The following ATP9B variants were observed in gnomAD, a reference collection of about 807,000 sequenced individuals.
ATP9B encodes ATPase phospholipid transporting 9B, also known as probable phospholipid-transporting ATPase IIB.
A neutral mutation model predicts 146.1 loss-of-function variants in ATP9B; 110 were observed. The ratio of observed to expected loss-of-function variants is 0.75; its 90% CI spans 0.65 to 0.88. The LOEUF is 0.88. Ranked by LOEUF, ATP9B falls within the 40% of genes least tolerant of loss-of-function variation. The pLI is 0.00. For synonymous variants in ATP9B, 604 were observed against 569.7 expected (o/e 1.06, Z -0.86); for missense variants, 1,499 against 1,496.4 (o/e 1.00, Z -0.03).
intron 26 of ATP9B, chr18:79,372,526 G>A (rs1466638048): frequency 1.3e-5 from 7 of 550,038 alleles, no homozygotes; most frequent in Non-Finnish European, 2.4e-5. Flanking sequence ...TCACTGAAAT[G>A]TTTGCTTGTA....
chr18:79,300,682 C>T (rs1045811492), intron 13 of ATP9B, among the ~76,000 whole-genome samples: 2 of 152,212 alleles, frequency 1.3e-5, no homozygotes, highest in Non-Finnish European at 2.9e-5. Flanking sequence ...GTCACAGCCG[C>T]CCAGCAAACA....
chr18:79,374,913 T>C (rs2097094520), intron 28 of ATP9B, among the ~76,000 whole-genome samples: 1 of 152,204 alleles, frequency 6.6e-6, no homozygotes, highest in Non-Finnish European at 1.5e-5. Context: ...GACAAAGACA[T>C]GCATCACGGG....
At chr18:79,357,948 T>G (rs369840831) in intron 25 of ATP9B, among the ~76,000 whole-genome samples, 1,496 of 57,018 alleles carry the variant, frequency 0.026, no homozygotes, top group East Asian at 0.072. Flanking sequence ...GGACCCTGTG[T>G]GAGGGATGCT....
chr18:79,340,611 G>A (rs899742835), intron 19 of ATP9B: 2 of 152,144 alleles, frequency 1.3e-5, no homozygotes, highest in African/African-American at 4.8e-5. Context: ...TAAGAAATCT[G>A]AGAAATTCAG....
At chr18:79,335,823 A>G (rs1456274312) in intron 17 of ATP9B, among the ~76,000 whole-genome samples, 1 of 152,240 alleles carries the variant, frequency 6.6e-6, no homozygotes, top group East Asian at 1.9e-4. Flanking sequence ...TTATGAGCCC[A>G]TTTCTATGAA....
At chr18:79,163,694 CAAAT>C (rs1352760383) in intron 7 of ATP9B, among the ~76,000 whole-genome samples, 3 of 151,892 alleles carry the variant, frequency 2.0e-5, no homozygotes, top group South Asian at 2.1e-4. Context: ...ATTCTTTTGA[CAAAT>C]AACCCCTAAC....
chr18:79,111,054 GTAT>G (rs987823026), intron 3 of ATP9B, among the ~76,000 whole-genome samples: 31 of 152,030 alleles, frequency 2.0e-4, no homozygotes, highest in African/African-American at 6.8e-4. Context: ...CTTTAATTGG[GTAT>G]TATTGCTAAA....
At chr18:79,161,995 GTAAT>G (rs1465701205) in intron 7 of ATP9B, among the ~76,000 whole-genome samples, 6 of 152,136 alleles carry the variant, frequency 3.9e-5, no homozygotes, top group Non-Finnish European at 5.9e-5. Flanking sequence ...TGATTTTTAA[GTAAT>G]TAAAGTTATC....
rs188287037 is a variant in ATP9B, at chr18:79,088,680, T to G, written c.120-7796T>G. Reference sequence around the variant, plus strand: ...AACACATTTACTTTCAACAAAGGTCTTCTTTGTGATTATTTTTAGTGACAA... The same window carrying G: ...AACACATTTACTTTCAACAAAGGTCGTCTTTGTGATTATTTTTAGTGACAA... On this transcript the variant is annotated intron_variant, in intron 1 of 29. Coordinates refer to ENST00000426216, the MANE Select transcript of ATP9B (RefSeq NM_198531.5). Among the ~76,000 whole-genome samples the G allele has an allele frequency of 3.3e-3, 496 of 152,360 alleles. 3 individuals are homozygous for G. Among genetic ancestry groups the G allele is most frequent in the Non-Finnish European group, 4.6e-3 (313 of 68,028 alleles).
At chr18:79,278,930 C>T (rs2096345050) in intron 13 of ATP9B, among the ~76,000 whole-genome samples, 1 of 152,110 alleles carries the variant, frequency 6.6e-6, no homozygotes, top group African/African-American at 2.4e-5. Context: ...TTCTGGAAAA[C>T]AGTTGGAATC....
chr18:79,307,065 A>G lies in ATP9B; in HGVS notation c.1604A>G (p.Lys535Arg). ...KAQSSAPKVR[K>R]SVSSRIHEAV... ...CAATCTTCAGCTCCCAAAGTTAGGA[A>G]AAGTGTCAGTAGTCGAATCCATGAA... Residue 535 changes from lysine (K) to arginine (R), a missense_variant, in exon 15 of 30, where the codon AAA becomes AGA. Coordinates refer to ENST00000426216, the MANE Select transcript of ATP9B (RefSeq NM_198531.5). The G allele has an allele frequency of 1.2e-6, 2 of 1,614,260 alleles. No individual in the cohort carries two copies. Among genetic ancestry groups the G allele is most frequent in the Non-Finnish European group, 8.5e-7 (1 of 1,180,046 alleles).
chr18:79,162,099 TCA>T (rs1202684535), intron 7 of ATP9B, among the ~76,000 whole-genome samples: 2 of 152,370 alleles, frequency 1.3e-5, no homozygotes, highest in African/African-American at 4.8e-5. Context: ...CTTTTTAGTT[TCA>T]GTTTGAAAAA....
At chr18:79,124,500 A>G (rs2094247760) in intron 4 of ATP9B, among the ~76,000 whole-genome samples, 1 of 152,274 alleles carries the variant, frequency 6.6e-6, no homozygotes, top group Non-Finnish European at 1.5e-5. Context: ...GATGGGGCAC[A>G]TCACAAATTG....
At chr18:79,205,706 C>T (rs1015144504) in intron 9 of ATP9B, among the ~76,000 whole-genome samples, 1 of 152,078 alleles carries the variant, frequency 6.6e-6, no homozygotes, top group Non-Finnish European at 1.5e-5. Context: ...AGTAAGGCTT[C>T]CATTACCGAA....
At position 79,204,067 on chromosome 18, in the gene ATP9B, A is replaced by G. The variant is rs190205497; in HGVS notation, c.955-2870A>G. Among the ~76,000 whole-genome samples, 35 of 152,324 alleles carry G rather than the reference A, an allele frequency of 2.3e-4. No individual in the cohort carries two copies. In the East Asian group the frequency reaches 6.8e-3, roughly 29 times the overall value. On this transcript the variant is annotated intron_variant, in intron 9 of 29. Transcript: ENST00000426216. ...GTTGTTCTATCAAATCATAAAAGTC[A>G]TAGGGATAACTCAGTTTTTCTGGAT...
At chr18:79,199,556 T>C (rs2148229852) in intron 9 of ATP9B, among the ~76,000 whole-genome samples, 1 of 151,416 alleles carries the variant, frequency 6.6e-6, no homozygotes, top group Non-Finnish European at 1.5e-5. Context: ...GGTCAAGAGA[T>C]TGAGGAGACC....
intron 1 of ATP9B, among the ~76,000 whole-genome samples, chr18:79,070,534 G>T (rs1393456957): frequency 2.0e-5 from 3 of 152,166 alleles, no homozygotes; most frequent in Non-Finnish European, 4.4e-5. Context: ...TTCAGTGCTT[G>T]GTTGGAAGTG....
intron 26 of ATP9B, among the ~76,000 whole-genome samples, chr18:79,367,474 C>G (rs1305808630): frequency 7.0e-6 from 1 of 143,316 alleles, no homozygotes. Flanking sequence ...AGAGAGCACA[C>G]ATATCTTCAC....
intron 13 of ATP9B, among the ~76,000 whole-genome samples, chr18:79,293,269 T>G (rs1453731154): frequency 6.6e-6 from 1 of 152,076 alleles, no homozygotes; most frequent in Non-Finnish European, 1.5e-5. Flanking sequence ...TGAGAAAGTA[T>G]TCTAAATTTG....
Sources: gnomAD v4.1 joint callset for allele counts (sites outside exome capture counted in the v4.1 genomes callset) on GRCh38, gnomAD v4.1.1 for gene constraint, MANE v1.5 for transcripts, NCBI Gene and HGNC (gene_info 2026-07-23, HGNC 2026-07-21) for gene names.